Variants in TRMU observed in about 807,000 individuals in gnomAD.
TRMU encodes the protein tRNA mitochondrial 2-thiouridylase, also known as mitochondrial tRNA-specific 2-thiouridylase 1.
A neutral mutation model predicts 46.9 loss-of-function variants in TRMU; 49 were observed. That is an observed-to-expected ratio of 1.05 (90% CI 0.83 to 1.33). TRMU has a LOEUF of 1.33. Among genes scored for constraint, TRMU ranks in the 40% most tolerant of loss-of-function variants. The probability of loss-of-function intolerance (pLI) is 0.00; values close to 1 mark genes in which losing one functional copy is unlikely to be tolerated. For missense variants in TRMU, 572 were observed against 532.4 expected, an observed-to-expected ratio of 1.07 and a Z score of -0.73; for synonymous variants, 241 against 200.9, an observed-to-expected ratio of 1.20 and a Z score of -1.69.
chr22:46,343,661 C>T (rs1244896335), intron 3 of TRMU, among the ~76,000 whole-genome samples: 1 of 152,196 alleles, frequency 6.6e-6, no homozygotes, highest in Non-Finnish European at 1.5e-5. Flanking sequence ...CAAGCGTGAG[C>T]CCCTGTGCCT....
In TRMU at chr22:46,355,930, G is replaced by A. The variant is rs2078591095; in HGVS notation, c.1019-60G>A. ...GGGCTGGTGCTCCTTTCTCCCTGGG[G>A]GCCTGAGGTCGACCAGGAAAGGCCT... is the stretch of plus-strand genomic sequence containing the variant. On this transcript the variant is annotated intron_variant, in intron 9 of 10. Coordinates refer to ENST00000645190, the MANE Select transcript of TRMU (RefSeq NM_018006.5). The A allele has an allele frequency of 1.5e-5, 24 of 1,587,410 alleles. No homozygotes were observed. The East Asian group carries it at 5.4e-4, about 36-fold the overall frequency.
In TRMU at chr22:46,343,340, C is replaced by CT. The variant is rs756600903; in HGVS notation, c.333dup (p.His112SerfsTer6). 11 of 1,613,642 alleles carry CT rather than the reference C, an allele frequency of 6.8e-6. No individual in the cohort carries two copies. The highest frequency in any genetic ancestry group is 2.2e-5 in the South Asian group (2 of 91,064). The stretch of plus-strand genomic sequence containing the variant: ...GCAACAAGCACATCAAATTTAGTTG[C>CT]TTTTTTCATTATGCTGTGGATAATC... On this transcript the variant is annotated frameshift_variant, in exon 3 of 11. Transcript: ENST00000645190. LOFTEE classifies it high-confidence loss of function.
chr22:46,339,115 T>C lies in TRMU; in HGVS notation c.248+1171T>C, dbSNP rs1359279232. ...ATTAGGTTCTAGTATGTATGCCTGGTATATTAGTAAGCAGTCAATAAACAT... is the reference window on the plus strand; with the variant it reads ...ATTAGGTTCTAGTATGTATGCCTGGCATATTAGTAAGCAGTCAATAAACAT... On this transcript the variant is annotated intron_variant, in intron 2 of 10. Transcript: ENST00000645190. The surrounding 1 kb of genome is among the most constrained non-coding windows in gnomAD (Gnocchi z 4.8). Among the ~76,000 whole-genome samples the C allele has an allele frequency of 6.6e-6, 1 of 152,112 alleles. No individual in the cohort carries two copies. Among genetic ancestry groups the C allele is most frequent in the Non-Finnish European group, 1.5e-5 (1 of 68,014 alleles).
chr22:46,344,486 G>A (rs1468167433), intron 3 of TRMU, among the ~76,000 whole-genome samples: 5 of 152,242 alleles, frequency 3.3e-5, no homozygotes, highest in Non-Finnish European at 7.3e-5. Context: ...AAGCGTGTGA[G>A]TTAGGATGAC....
chr22:46,357,320 A>G lies in TRMU; in HGVS notation c.*314A>G, dbSNP rs145114356. On this transcript the variant is annotated 3_prime_UTR_variant, in exon 11 of 11. Transcript: ENST00000645190. ...GAGGGGGCTGTCGGGACAGCGTGGA[A>G]TAAACATTATTTCAAGGACACATAG... 4 of 464,974 alleles carry G rather than the reference A, an allele frequency of 8.6e-6. No individual in the cohort carries two copies. The East Asian group carries it at 1.7e-4, about 20-fold the overall frequency. 28.8% of individuals were successfully genotyped at this position (464,974 alleles called of 1,614,324 possible).
At chr22:46,354,022 A>C in intron 8 of TRMU, 155 bp downstream of exon 8, 1 of 704,838 alleles carries the variant, frequency 1.4e-6, no homozygotes, top group Admixed American at 2.1e-5. Context: ...CTTTCCTGGG[A>C]CTGGCCATGG....
chr22:46,337,979 C>T, intron 2 of TRMU, 35 bp downstream of exon 2: 1 of 1,613,616 alleles, frequency 6.2e-7, no homozygotes. Flanking sequence ...GAAGCTTCCT[C>T]ACACTGTGGA....
At position 46,349,484 on chromosome 22, in the gene TRMU, C is replaced by T. The variant is rs1414555027; in HGVS notation, c.479-807C>T. Reference sequence around the variant, plus strand: ...AGGAAGGGTAGGTGTGCTGTCTGACCGTCACGGCATGTGGCGTGCTCTGAG... The same window carrying T: ...AGGAAGGGTAGGTGTGCTGTCTGACTGTCACGGCATGTGGCGTGCTCTGAG... On this transcript the variant is annotated intron_variant, in intron 4 of 10. Coordinates refer to ENST00000645190, the MANE Select transcript of TRMU (RefSeq NM_018006.5). This position sits in a 1 kb window ranked among gnomAD's most constrained non-coding sequence, Gnocchi z 4.6. 2.0e-5 allele frequency among the ~76,000 whole-genome samples: 3 copies of T among 152,176 alleles called. No homozygotes were observed. Among genetic ancestry groups the T allele is most frequent in the Admixed American group, 6.5e-5 (1 of 15,292 alleles).
rs147382049 is a variant in TRMU, at chr22:46,347,201, C to G, written c.478+657C>G. On this transcript the variant is annotated intron_variant, in intron 4 of 10. Coordinates refer to ENST00000645190, the MANE Select transcript of TRMU (RefSeq NM_018006.5). This position sits in a 1 kb window ranked among gnomAD's most constrained non-coding sequence, Gnocchi z 5.0. ...GAGCCGTGTTTCCGCACGGAGCGTC[C>G]GTCCATCAGTGGGGACCCCTGAAGG... Among the ~76,000 whole-genome samples, 3,512 of 152,240 alleles carry G rather than the reference C, an allele frequency of 0.023. 53 individuals are homozygous for G. Among genetic ancestry groups the G allele is most frequent in the Non-Finnish European group, 0.03 (2,045 of 68,016 alleles).
chr22:46,355,332 G>A (rs1255107599), intron 8 of TRMU, 112 bp from the exon 9 acceptor site: 23 of 1,473,390 alleles, frequency 1.6e-5, no homozygotes, highest in East Asian at 4.9e-5. Context: ...TGCCAGCACC[G>A]TTACCTGTGT....
intron 4 of TRMU, among the ~76,000 whole-genome samples, chr22:46,346,902 C>G (rs1367009868): frequency 6.6e-6 from 1 of 152,266 alleles, no homozygotes; most frequent in Non-Finnish European, 1.5e-5. Context: ...AGGACCTGTA[C>G]TTAGCAACAA....
chr22:46,354,198 A>G (rs1248747733), intron 8 of TRMU: 1 of 348,976 alleles, frequency 2.9e-6, no homozygotes, highest in South Asian at 2.3e-5. Flanking sequence ...CCTCAGTGCC[A>G]AGGATGGTGC....
Position 46,338,211 on chromosome 22 carries a change from G to C in TRMU, c.248+267G>C. ...TTAATGCTTTCTTGGACCTTGAGCT[G>C]TTTCTGTTGCCCAGTTAGGATAGGG... On this transcript the variant is annotated intron_variant, in intron 2 of 10. Transcript: ENST00000645190. The surrounding 1 kb of genome is among the most constrained non-coding windows in gnomAD (Gnocchi z 4.5). The C allele has an allele frequency of 4.4e-6, 2 of 452,034 alleles. No homozygotes were observed. The highest frequency in any genetic ancestry group is 8.2e-6 in the Non-Finnish European group (2 of 243,092). The allele number at this position is 452,034 out of a possible 1,614,324, so 28.0% of individuals were successfully genotyped here. A position where few individuals can be genotyped will look rare whatever the true frequency, so the allele number is the denominator to read the frequency against.
intron 7 of TRMU, chr22:46,353,272 T>A: frequency 5.1e-6 from 1 of 195,794 alleles, no homozygotes; most frequent in South Asian, 9.3e-5. Flanking sequence ...TCCCATGAGG[T>A]TCTCTCTGCC....
chr22:46,357,214 T>A lies in TRMU; in HGVS notation c.*208T>A. On this transcript the variant is annotated 3_prime_UTR_variant, in exon 11 of 11. Transcript: ENST00000645190. The stretch of plus-strand genomic sequence containing the variant: ...GGGCTCTGGCTGCTGGAGCATCTGC[T>A]GGCTGGTGGGGTGGCCCGAGTTCCC... 2 of 681,828 alleles carry A rather than the reference T, an allele frequency of 2.9e-6. No individual in the cohort carries two copies. Among genetic ancestry groups the A allele is most frequent in the South Asian group, 3.7e-5 (2 of 54,214 alleles). The allele number at this position is 681,828 out of a possible 1,614,324, so 42.2% of individuals were successfully genotyped here.
At chr22:46,356,419 C>T in intron 10 of TRMU, 1 of 430,766 alleles carries the variant, frequency 2.3e-6, no homozygotes, top group Admixed American at 3.5e-5. Flanking sequence ...TGTGCAGGAG[C>T]TCCCAGGGTG....
chr22:46,340,426 G>C (rs1198078790), intron 2 of TRMU, among the ~76,000 whole-genome samples: 1 of 152,246 alleles, frequency 6.6e-6, no homozygotes, highest in Non-Finnish European at 1.5e-5. Flanking sequence ...AGCTTTTTCA[G>C]AACGTACGAG....
At position 46,350,900 on chromosome 22, in the gene TRMU, TGCTGCTGG is replaced by T. The variant is rs1252904404; in HGVS notation, c.651+440_651+447del. 6.6e-6 allele frequency among the ~76,000 whole-genome samples: 1 copy of T among 152,338 alleles called. No individual in the cohort carries two copies. Among genetic ancestry groups the T allele is most frequent in the East Asian group, 1.9e-4 (1 of 5,180 alleles). On this transcript the variant is annotated intron_variant, in intron 5 of 10. Coordinates refer to ENST00000645190, the MANE Select transcript of TRMU (RefSeq NM_018006.5). The surrounding 1 kb of genome is among the most constrained non-coding windows in gnomAD (Gnocchi z 4.6). ...TTCGGTGCCATCTGTTCGGGCGCTG[TGCTGCTGG>T]GCCGCGAGGAATTGGTGACGCGCAC...
At chr22:46,353,592 C>G (rs554888530) in intron 7 of TRMU, 175 bp from the exon 8 acceptor site, 2 of 603,202 alleles carry the variant, frequency 3.3e-6, no homozygotes, top group Admixed American at 2.2e-5. Flanking sequence ...ATGAGATGTG[C>G]TCAGGTGCTT....
Sources: gnomAD v4.1 joint callset for allele counts (sites outside exome capture counted in the v4.1 genomes callset) on GRCh38, gnomAD v4.1.1 for gene constraint, Gnocchi (gnomAD v3.1) non-coding constraint, MANE v1.5 for transcripts, NCBI Gene and HGNC (gene_info 2026-07-23, HGNC 2026-07-21) for gene names.